HSD11B1: variants seen among roughly 807,000 people sequenced by gnomAD.
HSD11B1 encodes the protein hydroxysteroid 11-beta dehydrogenase 1.
Under a neutral mutation model 22.1 loss-of-function variants are expected in HSD11B1, and 15 were observed. The observed-to-expected ratio is 0.68, with a 90% CI of 0.45 to 1.04. HSD11B1 has a LOEUF of 1.04. Among genes scored for constraint, HSD11B1 ranks in the 50% least tolerant of loss-of-function variants. The probability of loss-of-function intolerance (pLI) is 0.00; values close to 1 mark genes in which losing one functional copy is unlikely to be tolerated. For synonymous variants in HSD11B1, 122 were observed against 125.2 expected, an observed-to-expected ratio of 0.97 and a Z score of 0.17; for missense variants, 281 against 357.6, an observed-to-expected ratio of 0.79 and a Z score of 1.73.
At chr1:209,690,410 T>G (rs891046648) in intron 1 of HSD11B1, among the ~76,000 whole-genome samples, 1 of 152,020 alleles carries the variant, frequency 6.6e-6, no homozygotes, top group Non-Finnish European at 1.5e-5. Flanking sequence ...AAAATTAAAA[T>G]GAAGGGCCAG....
intron 4 of HSD11B1, among the ~76,000 whole-genome samples, chr1:209,729,769 G>T (rs1481677847): frequency 6.6e-6 from 1 of 152,120 alleles, no homozygotes; most frequent in Non-Finnish European, 1.5e-5. Context: ...ACATTTTAAA[G>T]GATCATTCAT....
In HSD11B1 at chr1:209,706,053, C is replaced by T; in HGVS notation, c.219+112C>T. The stretch of plus-strand genomic sequence containing the variant: ...TATCGCAGATCTATATACAGAGGCA[C>T]ATGCACACACACAGACACTTAATTT... On this transcript the variant is annotated intron_variant, in intron 2 of 5. Coordinates refer to ENST00000367027, the MANE Select transcript of HSD11B1 (RefSeq NM_005525.4). The surrounding 1 kb of genome is among the most constrained non-coding windows in gnomAD (Gnocchi z 4.0). 7.4e-7 allele frequency: 1 copy of T among 1,353,420 alleles called. No individual in the cohort carries two copies. The highest frequency in any genetic ancestry group is 2.4e-5 in the East Asian group (1 of 42,552). The allele number at this position is 1,353,420 out of a possible 1,614,324, so 83.8% of individuals were successfully genotyped here. A position where few individuals can be genotyped will look rare whatever the true frequency, so the allele number is the denominator to read the frequency against.
intron 4 of HSD11B1, among the ~76,000 whole-genome samples, chr1:209,731,378 G>A (rs1571888671): frequency 6.6e-6 from 1 of 151,798 alleles, no homozygotes; most frequent in South Asian, 2.1e-4. Context: ...TATCATTCAC[G>A]ATATCCAGGA....
intron 1 of HSD11B1, among the ~76,000 whole-genome samples, chr1:209,688,021 C>T (rs2076738330): frequency 6.6e-6 from 1 of 152,128 alleles, no homozygotes; most frequent in African/African-American, 2.4e-5. Flanking sequence ...TTTAACTTTG[C>T]TCAAATGCAC....
intron 1 of HSD11B1, among the ~76,000 whole-genome samples, chr1:209,697,883 C>CTTTTTTTTT (rs1558187212): frequency 1.8e-3 from 39 of 21,930 alleles, no homozygotes; most frequent in African/African-American, 2.8e-3. Flanking sequence ...TTTGTTTTTT[C>CTTTTTTTTT]CTTTTTTTTT....
intron 4 of HSD11B1, among the ~76,000 whole-genome samples, chr1:209,729,288 G>A (rs530991982): frequency 6.6e-6 from 1 of 152,016 alleles, no homozygotes; most frequent in Admixed American, 6.6e-5. Context: ...GAACTTGGGA[G>A]GCAAAAGTTG....
At chr1:209,718,071 T>C (rs1052822649) in intron 4 of HSD11B1, among the ~76,000 whole-genome samples, 1 of 152,106 alleles carries the variant, frequency 6.6e-6, no homozygotes, top group Non-Finnish European at 1.5e-5. Flanking sequence ...AGTAGAATGA[T>C]AGTTTACAGA....
intron 1 of HSD11B1, among the ~76,000 whole-genome samples, chr1:209,688,779 T>C (rs2076742422): frequency 6.6e-6 from 1 of 152,108 alleles, no homozygotes; most frequent in Non-Finnish European, 1.5e-5. Context: ...AATGCTTTGA[T>C]GACAGTAGAA....
At chr1:209,702,026 G>T (rs1401240433), upstream of HSD11B1, among the ~76,000 whole-genome samples, 1 of 152,224 alleles carries the variant, frequency 6.6e-6, no homozygotes, top group African/African-American at 2.4e-5. Context: ...TCTGGAATGG[G>T]AATGGTCAGT....
At position 209,706,933 on chromosome 1, in the gene HSD11B1, T is replaced by A; in HGVS notation, c.332-10T>A. On this transcript the variant is annotated splice_polypyrimidine_tract_variant and intron_variant, in intron 3 of 5. Coordinates refer to ENST00000367027, the MANE Select transcript of HSD11B1 (RefSeq NM_005525.4). This position sits in a 1 kb window ranked among gnomAD's most constrained non-coding sequence, Gnocchi z 4.0. ...CCCAGATGATTTCTTAATATAGCCA[T>A]CTCTTGCAGGAGGACTAGACATGCT... 1 of 1,613,632 alleles carries A rather than the reference T, an allele frequency of 6.2e-7. No individual in the cohort carries two copies. Among genetic ancestry groups the A allele is most frequent in the Non-Finnish European group, 8.5e-7 (1 of 1,179,540 alleles).
chr1:209,728,505 T>C (rs1372927464), intron 4 of HSD11B1, among the ~76,000 whole-genome samples: 2 of 152,248 alleles, frequency 1.3e-5, no homozygotes, highest in Non-Finnish European at 2.9e-5. Context: ...CTGGGTCATC[T>C]GACTCTAGAG....
chr1:209,698,172 TAGA>T (rs2076804194), intron 1 of HSD11B1, among the ~76,000 whole-genome samples: 2 of 16,574 alleles, frequency 1.2e-4, no homozygotes, highest in Non-Finnish European at 3.8e-4. Context: ...ATAGATTAGA[TAGA>T]TAGATAGATA....
At chr1:209,711,528 C>A (rs189787189) in intron 4 of HSD11B1, among the ~76,000 whole-genome samples, 1 of 152,146 alleles carries the variant, frequency 6.6e-6, no homozygotes, top group East Asian at 1.9e-4. Context: ...TCCATGTGAA[C>A]GTAAGCATTT....
At chr1:209,725,842 C>T (rs562352007) in intron 4 of HSD11B1, among the ~76,000 whole-genome samples, 1 of 152,134 alleles carries the variant, frequency 6.6e-6, no homozygotes, top group African/African-American at 2.4e-5. Context: ...ATGGTCCTTA[C>T]GTGCATTGAA....
chr1:209,716,150 T>G (rs1167736026), intron 4 of HSD11B1, among the ~76,000 whole-genome samples: 2 of 152,134 alleles, frequency 1.3e-5, no homozygotes, highest in African/African-American at 4.8e-5. Context: ...AAATTTTCAC[T>G]CATTCACATG....
chr1:209,690,733 C>A (rs1003535466), intron 1 of HSD11B1, among the ~76,000 whole-genome samples: 6 of 151,656 alleles, frequency 4.0e-5, no homozygotes, highest in African/African-American at 7.3e-5. Context: ...TAAACTTAAG[C>A]ATTGGAAGAT....
At chr1:209,717,308 C>T (rs2102384750) in intron 4 of HSD11B1, among the ~76,000 whole-genome samples, 1 of 152,178 alleles carries the variant, frequency 6.6e-6, no homozygotes, top group East Asian at 1.9e-4. Flanking sequence ...ATGAAAAATG[C>T]TCAGCATCAC....
chr1:209,720,828 A>C (rs1186283569), intron 4 of HSD11B1, among the ~76,000 whole-genome samples: 1 of 152,128 alleles, frequency 6.6e-6, no homozygotes, highest in Admixed American at 6.5e-5. Context: ...TAGTGGCCCC[A>C]AAAAAGATAT....
Position 209,705,867 on chromosome 1 carries a change from G to A in HSD11B1, c.145G>A (p.Glu49Lys). The A allele has an allele frequency of 6.2e-7, 1 of 1,614,064 alleles. No individual in the cohort carries two copies. The change falls in exon 2 of 6, where the codon GAG becomes AAG. Residue 49 changes from glutamate to lysine, a missense_variant. Physicochemically the swap from Glu to Lys is moderately conservative, Grantham distance 56. Transcript: ENST00000367027. Reference sequence around the variant, plus strand: ...AGGGGCCAGCAAAGGGATCGGAAGAGAGATGGCTTATCATCTGGCGAAGAT... The same window carrying A: ...AGGGGCCAGCAAAGGGATCGGAAGAAAGATGGCTTATCATCTGGCGAAGAT... ...VTGASKGIGR[E>K]MAYHLAKMGA...
Sources: gnomAD v4.1 joint callset for allele counts (sites outside exome capture counted in the v4.1 genomes callset) on GRCh38, gnomAD v4.1.1 for gene constraint, Gnocchi (gnomAD v3.1) non-coding constraint, MANE v1.5 for transcripts, NCBI Gene and HGNC (gene_info 2026-07-23, HGNC 2026-07-21) for gene names.